Variants in CELF2 observed in about 807,000 individuals in gnomAD.
CELF2 encodes CUG triplet repeat RNA-binding protein 2.
In CELF2, 8 loss-of-function variants were observed where a neutral mutation model predicts 62.6. The ratio of observed to expected loss-of-function variants is 0.13; its 90% confidence interval spans 0.07 to 0.23. The LOEUF (loss-of-function observed/expected upper bound fraction) is 0.23. CELF2 is among the 10% of genes least tolerant of loss of function. The probability of loss-of-function intolerance (pLI) is 1.00; values close to 1 mark genes in which losing one functional copy is unlikely to be tolerated. For synonymous variants in CELF2, 258 were observed against 250.0 expected, an observed-to-expected ratio of 1.03 and a Z score of -0.30; for missense variants, 333 against 671.0, an observed-to-expected ratio of 0.50 and a Z score of 5.56.
intron 1 of CELF2, among the ~76,000 whole-genome samples, chr10:10,909,668 G>A (rs939507362): frequency 6.6e-6 from 1 of 152,166 alleles, no homozygotes; most frequent in African/African-American, 2.4e-5. Flanking sequence ...ACAAATATTG[G>A]CATTGGCTGT....
chr10:11,133,434 G>T (rs2059920720), intron 1 of CELF2, among the ~76,000 whole-genome samples: 1 of 152,144 alleles, frequency 6.6e-6, no homozygotes, highest in African/African-American at 2.4e-5. Context: ...CATTCGAGGT[G>T]GTTCTTTACT....
chr10:11,130,656 C>T (rs185269613), intron 1 of CELF2, among the ~76,000 whole-genome samples: 30 of 152,154 alleles, frequency 2.0e-4, no homozygotes, highest in East Asian at 7.7e-4. Flanking sequence ...GATTTATTAC[C>T]GACAGTTAGT....
intron 1 of CELF2, among the ~76,000 whole-genome samples, chr10:11,122,050 A>G (rs1203669107): frequency 6.6e-6 from 1 of 152,250 alleles, no homozygotes; most frequent in African/African-American, 2.4e-5. Context: ...CAGGTGAGGT[A>G]CACTATATAA....
At chr10:11,233,727 A>G (rs2069819456) in intron 3 of CELF2, among the ~76,000 whole-genome samples, 1 of 152,188 alleles carries the variant, frequency 6.6e-6, no homozygotes, top group African/African-American at 2.4e-5. Flanking sequence ...AACCTCCAAC[A>G]GTGAAGATAC....
chr10:10,705,366 TAAA>T, the CELF2 span, among the ~76,000 whole-genome samples: 6 of 134,040 alleles, frequency 4.5e-5, no homozygotes, highest in African/African-American at 1.7e-4. Context: ...CCTTCCCTAT[TAAA>T]AAAAAAAAAA....
rs1356026281 is a variant in CELF2, at chr10:11,314,346, A to G, written c.1096+88A>G. 1 of 1,568,904 alleles carries G rather than the reference A, an allele frequency of 6.4e-7. No individual in the cohort carries two copies. On this transcript the variant is annotated intron_variant, in intron 10 of 12. Coordinates refer to ENST00000633077, the MANE Select transcript of CELF2 (RefSeq NM_001326342.2). This position sits in a 1 kb window ranked among gnomAD's most constrained non-coding sequence, Gnocchi z 5.3. ...AAGTGGTCAGCCAGAAATGACCCGAAAAAGGATATGCCACGGGGAGAACTA... is the reference window on the plus strand; with the variant it reads ...AAGTGGTCAGCCAGAAATGACCCGAGAAAGGATATGCCACGGGGAGAACTA...
chr10:10,738,576 T>C, the CELF2 span, among the ~76,000 whole-genome samples: 9 of 152,338 alleles, frequency 5.9e-5, no homozygotes, highest in African/African-American at 2.2e-4. Flanking sequence ...TCCAGCTTTA[T>C]TGACCAATAA....
chr10:10,745,789 T>G, the CELF2 span, among the ~76,000 whole-genome samples: 1,546 of 152,338 alleles, frequency 0.01, 29 homozygotes, highest in African/African-American at 0.035. Context: ...TAGGTATCTC[T>G]GGGTAAGTCA....
intron 2 of CELF2, among the ~76,000 whole-genome samples, chr10:11,194,156 C>T (rs2056787088): frequency 6.6e-6 from 1 of 152,164 alleles, no homozygotes; most frequent in African/African-American, 2.4e-5. Context: ...ACCTCCACCT[C>T]CCAGGTTCAA....
At chr10:10,864,982 T>C (rs768176953) in intron 1 of CELF2, among the ~76,000 whole-genome samples, 10 of 152,228 alleles carry the variant, frequency 6.6e-5, no homozygotes, top group Non-Finnish European at 1.2e-4. Context: ...TTCAAAATCT[T>C]GTGGTGTGGT....
the CELF2 span, among the ~76,000 whole-genome samples, chr10:10,710,203 T>C: frequency 2.6e-5 from 4 of 152,192 alleles, no homozygotes; most frequent in African/African-American, 9.7e-5. Context: ...CACTAGAGCA[T>C]GGGGCACACT....
intron 2 of CELF2, among the ~76,000 whole-genome samples, chr10:11,197,044 A>AGGAAG (rs1456837771): frequency 3.5e-5 from 2 of 57,204 alleles, no homozygotes; most frequent in African/African-American, 2.3e-4. Context: ...AAAGAAAGAA[A>AGGAAG]GAAAGAAAGA....
the CELF2 span, among the ~76,000 whole-genome samples, chr10:10,760,915 T>G: frequency 6.6e-6 from 1 of 152,164 alleles, no homozygotes; most frequent in Non-Finnish European, 1.5e-5. Context: ...TAGGGCTCAT[T>G]AAGGAGTTTG....
chr10:11,015,703 C>G (rs2057162869), upstream of CELF2, among the ~76,000 whole-genome samples: 1 of 152,138 alleles, frequency 6.6e-6, no homozygotes, highest in Non-Finnish European at 1.5e-5. The surrounding 1 kb of genome is among the most constrained non-coding windows in gnomAD (Gnocchi z 4.8). Context: ...TCTCTATGAC[C>G]TACTTACATA....
the CELF2 span, among the ~76,000 whole-genome samples, chr10:10,758,261 T>C: frequency 6.6e-6 from 1 of 152,194 alleles, no homozygotes; most frequent in East Asian, 1.9e-4. Flanking sequence ...AGGACACAAA[T>C]GCATCCAGCT....
intron 2 of CELF2, among the ~76,000 whole-genome samples, chr10:10,966,003 A>C (rs1483242574): frequency 6.6e-6 from 1 of 152,210 alleles, no homozygotes; most frequent in Non-Finnish European, 1.5e-5. Context: ...AAATATTTCT[A>C]ATATTGCCAC....
rs560683421 is a variant in CELF2, at chr10:11,244,821, C to T, written c.355-4332C>T. On this transcript the variant is annotated intron_variant, in intron 3 of 12. Coordinates refer to ENST00000633077, the MANE Select transcript of CELF2 (RefSeq NM_001326342.2). This position sits in a 1 kb window ranked among gnomAD's most constrained non-coding sequence, Gnocchi z 4.2. ...CCTGAAATGTCCTTTCCACATCTTCCGGTTAACATGAGGATTGCTTTGAGA... is the reference window on the plus strand; with the variant it reads ...CCTGAAATGTCCTTTCCACATCTTCTGGTTAACATGAGGATTGCTTTGAGA... Among the ~76,000 whole-genome samples, 16 of 152,286 alleles carry T rather than the reference C, an allele frequency of 1.1e-4. No individual in the cohort carries two copies. The South Asian group carries it at 3.1e-3, about 30-fold the overall frequency.
chr10:10,575,687 T>C, the CELF2 span, among the ~76,000 whole-genome samples: 1 of 152,220 alleles, frequency 6.6e-6, no homozygotes, highest in African/African-American at 2.4e-5. Context: ...TTTAAATTTT[T>C]AGGTCAACAC....
the CELF2 span, among the ~76,000 whole-genome samples, chr10:10,613,509 G>C: frequency 6.6e-5 from 10 of 152,206 alleles, no homozygotes; most frequent in South Asian, 4.2e-4. Context: ...ACATTTCATC[G>C]GGGCTTCTTA....
Sources: gnomAD v4.1 joint callset for allele counts (sites outside exome capture counted in the v4.1 genomes callset) on GRCh38, gnomAD v4.1.1 for gene constraint, Gnocchi (gnomAD v3.1) non-coding constraint, MANE v1.5 for transcripts, NCBI Gene and HGNC (gene_info 2026-07-23, HGNC 2026-07-21) for gene names.